Variants in RNF20 observed in about 807,000 individuals in gnomAD.
RNF20 encodes the protein ring finger protein 20, also known as E3 ubiquitin-protein ligase BRE1A.
Under a neutral mutation model 126.2 loss-of-function variants are expected in RNF20, and 84 were observed. The ratio of observed to expected loss-of-function variants is 0.67; its 90% CI spans 0.56 to 0.80. The LOEUF (loss-of-function observed/expected upper bound fraction) is 0.80. RNF20 is among the 30% of genes least tolerant of loss of function. RNF20 has a pLI of 0.00. For missense variants in RNF20, 869 were observed against 1,188.2 expected (o/e 0.73, Z 3.95); for synonymous variants, 400 against 414.3 (o/e 0.97, Z 0.42).
rs1827450466 is a variant in RNF20 at position 101,551,756 on chromosome 9, C to T, written c.1345C>T (p.Arg449Cys). 2.5e-6 allele frequency: 4 copies of T among 1,613,694 alleles called. No individual in the cohort carries two copies. Among genetic ancestry groups the T allele is most frequent in the Non-Finnish European group, 3.4e-6 (4 of 1,179,860 alleles). Residue 449 changes from arginine to cysteine, a missense_variant, in exon 11 of 20, where the codon CGC becomes TGC. Transcript: ENST00000389120. ...GCTAGAAGATACATTGGCCCAGGTCCGCAAGGAGTATGAAATGCTGAGGAT... is the reference window on the plus strand; with the variant it reads ...GCTAGAAGATACATTGGCCCAGGTCTGCAAGGAGTATGAAATGCTGAGGAT... ...IQLEDTLAQV[R>C]KEYEMLRIEF...
chr9:101,542,583 G>A (rs775437376), intron 5 of RNF20, among the ~76,000 whole-genome samples: 1 of 152,148 alleles, frequency 6.6e-6, no homozygotes, highest in South Asian at 2.1e-4. Context: ...TAAAATAATG[G>A]TGCTTTGTGT....
chr9:101,545,299 A>G (rs1827331029), intron 6 of RNF20, among the ~76,000 whole-genome samples: 2 of 152,242 alleles, frequency 1.3e-5, no homozygotes, highest in African/African-American at 4.8e-5. Flanking sequence ...ACTTCTGATG[A>G]TCATTTTGAT....
In RNF20 at chr9:101,539,320, G is replaced by C. The variant is rs539856324; in HGVS notation, c.130-883G>C. Among the ~76,000 whole-genome samples, 4 of 152,268 alleles carry C rather than the reference G, an allele frequency of 2.6e-5. No individual in the cohort carries two copies. The East Asian group carries it at 7.7e-4, about 29-fold the overall frequency. On this transcript the variant is annotated intron_variant, in intron 2 of 19. Coordinates refer to ENST00000389120, the MANE Select transcript of RNF20 (RefSeq NM_019592.7). ...CTTCTCTAGAAGTCTCAGCATACTGGGTACAGGAATGGAATAGCCAGATAA... is the reference window on the plus strand; with the variant it reads ...CTTCTCTAGAAGTCTCAGCATACTGCGTACAGGAATGGAATAGCCAGATAA...
intron 18 of RNF20, 188 bp downstream of exon 18, chr9:101,561,418 A>G (rs1344440859): frequency 1.7e-5 from 10 of 573,822 alleles, no homozygotes; most frequent in Non-Finnish European, 2.7e-5. Flanking sequence ...GGTGCCTTGC[A>G]CCTAGTAGGC....
chr9:101,535,362 A>G (rs1313515421), intron 1 of RNF20, 36 bp from the exon 2 acceptor site: 24 of 1,560,088 alleles, frequency 1.5e-5, no homozygotes, highest in Middle Eastern at 1.7e-4. Flanking sequence ...CTTTGCTTAC[A>G]TATATTATGT....
rs1191438302 is a variant in RNF20, at chr9:101,557,527, T to A, written c.2313T>A (p.Asn771Lys). 3.1e-6 allele frequency: 5 copies of A among 1,613,882 alleles called. No homozygotes were observed. The highest frequency in any genetic ancestry group is 4.2e-6 in the Non-Finnish European group (5 of 1,179,940). ...FKLMSERIKS[N>K]QIHKLLKEEK... ...TCATGTCAGAGCGTATCAAGTCCAATCAGATCCATAAGTTGCTTAAAGAAG... is the reference window on the plus strand; with the variant it reads ...TCATGTCAGAGCGTATCAAGTCCAAACAGATCCATAAGTTGCTTAAAGAAG... The change falls in exon 16 of 20, where the codon AAT becomes AAA. Residue 771 changes from asparagine (N) to lysine (K), a missense_variant. This residue lies in a region of RNF20 where 150 missense variants were observed against 173.7 expected (regional missense o/e 0.86). Transcript: ENST00000389120.
intron 5 of RNF20, among the ~76,000 whole-genome samples, chr9:101,543,776 T>C (rs1827301246): frequency 6.6e-6 from 1 of 152,274 alleles, no homozygotes. Context: ...AAATTCAGTC[T>C]CTACTTCTTA....
intron 16 of RNF20, among the ~76,000 whole-genome samples, chr9:101,560,363 G>T (rs1342279070): frequency 6.6e-6 from 1 of 152,080 alleles, no homozygotes; most frequent in Non-Finnish European, 1.5e-5. Context: ...TAGGAGGTGG[G>T]TGTTTGTGAT....
In RNF20 at chr9:101,547,209, C is replaced by T. The variant is rs771488880; in HGVS notation, c.967C>T (p.Arg323Trp). 2.5e-6 allele frequency: 4 copies of T among 1,613,938 alleles called. No individual in the cohort carries two copies. The highest frequency in any genetic ancestry group is 1.3e-5 in the African/African-American group (1 of 75,010). The change falls in exon 8 of 20, where the codon CGG becomes TGG. Residue 323 changes from arginine to tryptophan, a missense_variant. Coordinates refer to ENST00000389120, the MANE Select transcript of RNF20 (RefSeq NM_019592.7). ...LYGGTITINA[R>W]KFEEMNAELE... ...TGGCGGCACAATCACTATCAATGCT[C>T]GGAAGGTAAAATCAGTGACTCAGGA...
At chr9:101,537,011 C>T (rs16920473) in intron 2 of RNF20, among the ~76,000 whole-genome samples, 22,106 of 152,158 alleles carry the variant, frequency 0.15, 1,762 homozygotes, top group East Asian at 0.23. Flanking sequence ...TTGAAGGTTG[C>T]CATTGAAAGC....
At position 101,535,422 on chromosome 9, in the gene RNF20, A is replaced by G. The variant is rs1344796396; in HGVS notation, c.-2A>G. On this transcript the variant is annotated 5_prime_UTR_variant, in exon 2 of 20. Coordinates refer to ENST00000389120, the MANE Select transcript of RNF20 (RefSeq NM_019592.7). ...GGAAAACGACTGTCTTCTTCTGCCA[A>G]AATGTCAGGAATTGGAAATAAAAGA... 1.2e-6 allele frequency: 2 copies of G among 1,611,836 alleles called. No individual in the cohort carries two copies. Among genetic ancestry groups the G allele is most frequent in the African/African-American group, 2.7e-5 (2 of 74,666 alleles).
At chr9:101,558,494 A>T (rs1031663707) in intron 16 of RNF20, among the ~76,000 whole-genome samples, 1 of 152,106 alleles carries the variant, frequency 6.6e-6, no homozygotes, top group Non-Finnish European at 1.5e-5. Flanking sequence ...TGTTTTCCAT[A>T]GTGATTGTAC....
chr9:101,535,431 G>C lies in RNF20; in HGVS notation c.8G>C (p.Gly3Ala). The C allele has an allele frequency of 6.2e-7, 1 of 1,612,480 alleles. No homozygotes were observed. The highest frequency in any genetic ancestry group is 8.5e-7 in the Non-Finnish European group (1 of 1,179,628). Reference sequence around the variant, plus strand: ...CTGTCTTCTTCTGCCAAAATGTCAGGAATTGGAAATAAAAGAGCAGCTGGA... The same window carrying C: ...CTGTCTTCTTCTGCCAAAATGTCAGCAATTGGAAATAAAAGAGCAGCTGGA... MS[G>A]IGNKRAAGEP... Residue 3 changes from glycine (G) to alanine (A), a missense_variant, in exon 2 of 20, where the codon GGA becomes GCA. Physicochemically the swap from Gly to Ala is moderately conservative, Grantham distance 60 (BLOSUM62 0). Coordinates refer to ENST00000389120, the MANE Select transcript of RNF20 (RefSeq NM_019592.7).
At chr9:101,539,141 G>A (rs780163237) in intron 2 of RNF20, among the ~76,000 whole-genome samples, 1 of 152,216 alleles carries the variant, frequency 6.6e-6, no homozygotes, top group East Asian at 1.9e-4. Context: ...TTTGTATGAT[G>A]TAAAAGGGGG....
At chr9:101,560,687 A>T in intron 16 of RNF20, 114 bp from the exon 17 acceptor site, 1 of 1,008,814 alleles carries the variant, frequency 9.9e-7, no homozygotes, top group East Asian at 2.7e-5. Flanking sequence ...CAAAATCAGT[A>T]ATAGTTTGAG....
intron 16 of RNF20, among the ~76,000 whole-genome samples, chr9:101,557,822 A>G (rs1246865541): frequency 2.0e-5 from 3 of 152,162 alleles, no homozygotes; most frequent in Non-Finnish European, 4.4e-5. Context: ...ATATGGAAAC[A>G]TGTCTGAAAT....
intron 9 of RNF20, 128 bp downstream of exon 9, chr9:101,547,646 A>G (rs1372284937): frequency 1.5e-5 from 17 of 1,102,272 alleles, no homozygotes; most frequent in Non-Finnish European, 1.9e-5. Flanking sequence ...ACATCCTTTT[A>G]TGATAAAACT....
intron 15 of RNF20, among the ~76,000 whole-genome samples, chr9:101,555,574 G>C (rs1006028640): frequency 2.0e-5 from 3 of 152,066 alleles, no homozygotes; most frequent in African/African-American, 7.2e-5. Context: ...CAGTGAGATG[G>C]AGTAGGTTTA....
chr9:101,546,758 A>C, intron 6 of RNF20, 62 bp from the exon 7 acceptor site: 1 of 1,543,816 alleles, frequency 6.5e-7, no homozygotes, highest in Non-Finnish European at 8.9e-7. Flanking sequence ...AGCAAGGGTT[A>C]ATATTATGGA....
Sources: gnomAD v4.1 joint callset for allele counts (sites outside exome capture counted in the v4.1 genomes callset) on GRCh38, gnomAD v4.1.1 for gene constraint, gnomAD v4.1.1 regional missense constraint, MANE v1.5 for transcripts, NCBI Gene and HGNC (gene_info 2026-07-23, HGNC 2026-07-21) for gene names.